Variants in MSRA observed in about 807,000 individuals in gnomAD.
MSRA encodes mitochondrial peptide methionine sulfoxide reductase.
In MSRA, 54 loss-of-function variants were observed where a neutral mutation model predicts 31.3. That is an observed-to-expected ratio of 1.73 (90% CI 1.39 to 2.17). MSRA has a LOEUF of 2.17. MSRA is among the 30% of genes most tolerant of loss of function. The pLI is 0.00. For synonymous variants in MSRA, 169 were observed against 116.5 expected, an observed-to-expected ratio of 1.45 and a Z score of -2.90; for missense variants, 507 against 300.9, an observed-to-expected ratio of 1.69 and a Z score of -5.07.
chr8:10,223,821 A>G (rs1810739768), intron 2 of MSRA, among the ~76,000 whole-genome samples: 1 of 152,184 alleles, frequency 6.6e-6, no homozygotes, highest in Non-Finnish European at 1.5e-5. Context: ...GTGGGGAGAA[A>G]GATGGGTATA....
intron 5 of MSRA, among the ~76,000 whole-genome samples, chr8:10,347,928 G>A (rs1201082879): frequency 6.6e-6 from 1 of 152,156 alleles, no homozygotes; most frequent in Non-Finnish European, 1.5e-5. Flanking sequence ...TGTAGTGATC[G>A]ATGCAGATGT....
chr8:10,095,569 A>AGG, intron 1 of MSRA: 2 of 985,938 alleles, frequency 2.0e-6, no homozygotes, highest in Non-Finnish European at 2.4e-6. Flanking sequence ...AGAGAGAAAG[A>AGG]GGGAGAGAGA....
chr8:10,099,031 G>A (rs566460990), intron 1 of MSRA, among the ~76,000 whole-genome samples: 1 of 152,194 alleles, frequency 6.6e-6, no homozygotes, highest in African/African-American at 2.4e-5. Context: ...AGGTTTGCTA[G>A]GGGGTGTGGT....
intron 1 of MSRA, among the ~76,000 whole-genome samples, chr8:10,144,481 T>C (rs1802969149): frequency 6.6e-6 from 1 of 152,190 alleles, no homozygotes; most frequent in African/African-American, 2.4e-5. Context: ...CCATCAGTGT[T>C]GTATAGGTGT....
At chr8:10,345,717 G>T (rs1025951798) in intron 5 of MSRA, among the ~76,000 whole-genome samples, 2 of 152,168 alleles carry the variant, frequency 1.3e-5, no homozygotes, top group South Asian at 4.2e-4. Context: ...TGCGTTATTC[G>T]GGTTTCTGTT....
chr8:10,209,560 G>A (rs533849932), intron 2 of MSRA, among the ~76,000 whole-genome samples: 82 of 151,174 alleles, frequency 5.4e-4, no homozygotes, highest in African/African-American at 1.9e-3. Flanking sequence ...ATTTTATTTT[G>A]CAGTGGGGGG....
chr8:10,140,783 A>T (rs1167365275), intron 1 of MSRA, among the ~76,000 whole-genome samples: 1 of 152,236 alleles, frequency 6.6e-6, no homozygotes, highest in African/African-American at 2.4e-5. Flanking sequence ...TGCTTTAAAA[A>T]AATAAGAACA....
chr8:10,258,711 C>G (rs184463216), intron 3 of MSRA, among the ~76,000 whole-genome samples: 14 of 152,338 alleles, frequency 9.2e-5, no homozygotes, highest in Non-Finnish European at 1.9e-4. Flanking sequence ...TCCCACGTGG[C>G]AACTCTTCCC....
At chr8:10,137,264 G>C (rs536670051) in intron 1 of MSRA, among the ~76,000 whole-genome samples, 2 of 152,206 alleles carry the variant, frequency 1.3e-5, no homozygotes, top group East Asian at 1.9e-4. Flanking sequence ...TTAAAAAATT[G>C]GTTTTCTGCA....
chr8:10,148,638 C>A (rs573348825), intron 1 of MSRA, among the ~76,000 whole-genome samples: 74 of 149,602 alleles, frequency 4.9e-4, no homozygotes, highest in Non-Finnish European at 9.0e-4. Flanking sequence ...GAGAGTGAGA[C>A]TTCATCTTAA....
chr8:10,083,167 C>A (rs2128923899), intron 1 of MSRA, among the ~76,000 whole-genome samples: 1 of 152,248 alleles, frequency 6.6e-6, no homozygotes, highest in South Asian at 2.1e-4. Context: ...AATATAAAGC[C>A]ATATTTCCAG....
At chr8:10,080,910 C>T (rs144799044) in intron 1 of MSRA, among the ~76,000 whole-genome samples, 3,738 of 152,250 alleles carry the variant, frequency 0.025, 170 homozygotes, top group Admixed American at 0.1. Context: ...TCTTAATTAC[C>T]ATGTGCAAGG....
chr8:10,428,371 C>T lies in MSRA; in HGVS notation c.*59C>T, dbSNP rs1809331657. The T allele has an allele frequency of 6.4e-7, 1 of 1,552,216 alleles. No homozygotes were observed. The highest frequency in any genetic ancestry group is 8.8e-7 in the Non-Finnish European group (1 of 1,132,082). ...GTAAAAATGCTTTCAACAAATTGGG[C>T]AATGCTTGTGTGATTCACAATCGTG... On this transcript the variant is annotated 3_prime_UTR_variant, in exon 6 of 6. Coordinates refer to ENST00000317173, the MANE Select transcript of MSRA (RefSeq NM_012331.5).
chr8:10,410,453 G>A (rs1808087557), intron 5 of MSRA, among the ~76,000 whole-genome samples: 1 of 152,154 alleles, frequency 6.6e-6, no homozygotes, highest in Non-Finnish European at 1.5e-5. Context: ...CCGTCACATC[G>A]CAAAAATAAC....
intron 1 of MSRA, among the ~76,000 whole-genome samples, chr8:10,158,299 C>A (rs1804339235): frequency 3.3e-5 from 5 of 152,226 alleles, no homozygotes; most frequent in Admixed American, 2.0e-4. Context: ...AGTTGTGCAA[C>A]CATCACCACA....
chr8:10,285,541 A>G (rs1185181838), intron 3 of MSRA, among the ~76,000 whole-genome samples: 3 of 152,178 alleles, frequency 2.0e-5, no homozygotes, highest in Non-Finnish European at 2.9e-5. Flanking sequence ...TATACAATAA[A>G]TGATTGTTAA....
chr8:10,339,834 C>T (rs1487175211), intron 5 of MSRA, among the ~76,000 whole-genome samples: 1 of 152,216 alleles, frequency 6.6e-6, no homozygotes, highest in African/African-American at 2.4e-5. Flanking sequence ...AGCCACCACG[C>T]CCGGCAGCAA....
At chr8:10,403,996 C>T (rs188902912) in intron 5 of MSRA, among the ~76,000 whole-genome samples, 26 of 152,276 alleles carry the variant, frequency 1.7e-4, no homozygotes, top group East Asian at 9.7e-4. Flanking sequence ...ATGTGTTGGG[C>T]GGGGGACTGT....
At chr8:10,342,699 C>A (rs1222594677) in intron 5 of MSRA, among the ~76,000 whole-genome samples, 2 of 152,190 alleles carry the variant, frequency 1.3e-5, no homozygotes, top group Admixed American at 1.3e-4. Flanking sequence ...AGACGAGGAA[C>A]CTGAGCCCCA....
Sources: gnomAD v4.1 joint callset for allele counts (sites outside exome capture counted in the v4.1 genomes callset) on GRCh38, gnomAD v4.1.1 for gene constraint, MANE v1.5 for transcripts, NCBI Gene and HGNC (gene_info 2026-07-23, HGNC 2026-07-21) for gene names.